Variants in SFXN5 observed in about 807,000 individuals in gnomAD.
SFXN5 encodes sideroflexin-5.
Under a neutral mutation model 50.2 loss-of-function variants are expected in SFXN5, and 43 were observed. That is an observed-to-expected ratio of 0.86 (90% CI 0.67 to 1.11). The LOEUF is 1.11. Ranked by LOEUF, SFXN5 falls within the 50% of genes least tolerant of loss-of-function variation. The probability of loss-of-function intolerance (pLI) is 0.00; values close to 1 mark genes in which losing one functional copy is unlikely to be tolerated. For missense variants in SFXN5, 463 were observed against 454.1 expected, an observed-to-expected ratio of 1.02 and a Z score of -0.18; for synonymous variants, 203 against 185.8, an observed-to-expected ratio of 1.09 and a Z score of -0.75.
At chr2:72,990,321 A>G (rs1010235243) in intron 9 of SFXN5, among the ~76,000 whole-genome samples, 1 of 152,182 alleles carries the variant, frequency 6.6e-6, no homozygotes, top group African/African-American at 2.4e-5. Context: ...GCGTGGACAC[A>G]CTTCAGTGGT....
intron 9 of SFXN5, among the ~76,000 whole-genome samples, chr2:72,993,746 C>T (rs1179638555): frequency 2.0e-5 from 3 of 152,172 alleles, no homozygotes; most frequent in South Asian, 4.1e-4. Context: ...CAGGTGCTGT[C>T]GTCCCCCTAC....
rs1672758543 is a variant in SFXN5 at position 72,953,500 on chromosome 2, A to T, written c.945+7631T>A. Among the ~76,000 whole-genome samples the T allele has an allele frequency of 1.3e-5, 2 of 152,182 alleles. No individual in the cohort carries two copies. The highest frequency in any genetic ancestry group is 1.3e-4 in the Admixed American group (2 of 15,288). Reference sequence around the variant, plus strand: ...TCAACCCTGGAAGAGTGGGAGAAGCAGGGACCAACAAAGTCAAGGTGAACC... The same window carrying T: ...TCAACCCTGGAAGAGTGGGAGAAGCTGGGACCAACAAAGTCAAGGTGAACC... On this transcript the variant is annotated intron_variant, in intron 13 of 13. Coordinates refer to ENST00000272433, the MANE Select transcript of SFXN5 (RefSeq NM_144579.3). This position sits in a 1 kb window ranked among gnomAD's most constrained non-coding sequence, Gnocchi z 4.1.
chr2:73,040,596 G>A lies in SFXN5; in HGVS notation c.249+258C>T, dbSNP rs111737507. ...GAAGAGATGCCCACAATCAGCTCTC[G>A]CAAGCCAGTGCGGGCCAGCTTCAGC... On this transcript the variant is annotated intron_variant, in intron 3 of 13. Transcript: ENST00000272433. Among the ~76,000 whole-genome samples, 284 of 152,290 alleles carry A rather than the reference G, an allele frequency of 1.9e-3. 2 individuals carry two copies. Among genetic ancestry groups the A allele is most frequent in the African/African-American group, 5.3e-3 (219 of 41,560 alleles).
At chr2:72,947,678 G>A (rs894244615) in intron 13 of SFXN5, among the ~76,000 whole-genome samples, 3 of 152,146 alleles carry the variant, frequency 2.0e-5, no homozygotes, top group Non-Finnish European at 1.5e-5. Flanking sequence ...TGGGCACAGT[G>A]GGAGAAGAGA....
At chr2:73,059,511 C>T in intron 1 of SFXN5, 7 of 985,390 alleles carry the variant, frequency 7.1e-6, no homozygotes, top group Non-Finnish European at 8.4e-6. Context: ...GACCCTGCAG[C>T]CAATTCCTGT....
At position 72,973,391 on chromosome 2, in the gene SFXN5, T is replaced by C. The variant is rs986985525; in HGVS notation, c.626-1706A>G. 4.9e-4 allele frequency: 83 copies of C among 169,140 alleles called. 1 individual carries two copies. Among genetic ancestry groups the C allele is most frequent in the Non-Finnish European group, 4.4e-5 (3 of 68,254 alleles). The allele number at this position is 169,140 out of a possible 1,614,324, so 10.5% of individuals were successfully genotyped here. A position where few individuals can be genotyped will look rare whatever the true frequency, so the allele number is the denominator to read the frequency against. On this transcript the variant is annotated intron_variant, in intron 10 of 13. Coordinates refer to ENST00000272433, the MANE Select transcript of SFXN5 (RefSeq NM_144579.3). The surrounding 1 kb of genome is among the most constrained non-coding windows in gnomAD (Gnocchi z 5.5). ...TGGCCATGTTTGAGGGCATTTTCAG[T>C]GATTGTGATCTAGGGGTCAGGGGTT...
intron 13 of SFXN5, among the ~76,000 whole-genome samples, chr2:72,949,719 A>C (rs1417591481): frequency 1.3e-5 from 2 of 152,122 alleles, no homozygotes; most frequent in African/African-American, 4.8e-5. Flanking sequence ...GAATCAGAGA[A>C]GTGCCAGGTC....
At position 73,000,467 on chromosome 2, in the gene SFXN5, A is replaced by G. The variant is rs906505474; in HGVS notation, c.432T>C (p.Asn144=). ...VFWQWLNQSH[N]ACVNYANRNA... is the part of the protein sequence containing the mutation. ...TGCGGTTTGCATAGTTGACACAGGCATTGTGGCTCTGGTTCAGCCACTGAA... is the reference window on the plus strand; with the variant it reads ...TGCGGTTTGCATAGTTGACACAGGCGTTGTGGCTCTGGTTCAGCCACTGAA... Residue 144 remains asparagine (N), a synonymous_variant, in exon 8 of 14, where the codon AAT becomes AAC. Coordinates refer to ENST00000272433, the MANE Select transcript of SFXN5 (RefSeq NM_144579.3). The G allele has an allele frequency of 1.9e-6, 3 of 1,560,426 alleles. No individual in the cohort carries two copies. In the African/African-American group the frequency reaches 4.1e-5, roughly 21 times the overall value.
intron 1 of SFXN5, among the ~76,000 whole-genome samples, chr2:73,070,083 GAGA>G (rs1013288796): frequency 2.6e-5 from 4 of 152,212 alleles, no homozygotes; most frequent in Non-Finnish European, 4.4e-5. Flanking sequence ...GATGGGACCA[GAGA>G]AGAAGGGAGC....
chr2:73,065,862 A>G (rs1683136496), intron 1 of SFXN5, among the ~76,000 whole-genome samples: 1 of 152,192 alleles, frequency 6.6e-6, no homozygotes, highest in African/African-American at 2.4e-5. Context: ...GTCCTGGACA[A>G]CAATTTATTT....
At chr2:73,060,039 G>A (rs1026591975) in intron 1 of SFXN5, among the ~76,000 whole-genome samples, 3 of 152,130 alleles carry the variant, frequency 2.0e-5, no homozygotes, top group Middle Eastern at 3.2e-3. Flanking sequence ...ATGCATATAA[G>A]CAGTGTGATT....
At chr2:72,979,553 G>C (rs1324144662) in intron 10 of SFXN5, among the ~76,000 whole-genome samples, 2 of 152,162 alleles carry the variant, frequency 1.3e-5, no homozygotes, top group Non-Finnish European at 2.9e-5. Flanking sequence ...AGAATTGCTT[G>C]AACCCAGGAG....
chr2:72,947,999 G>A (rs1559074680), intron 13 of SFXN5, among the ~76,000 whole-genome samples: 1 of 152,222 alleles, frequency 6.6e-6, no homozygotes, highest in Non-Finnish European at 1.5e-5. Flanking sequence ...AATATTCAAT[G>A]TTTTTAAAAA....
intron 10 of SFXN5, among the ~76,000 whole-genome samples, chr2:72,982,699 C>T (rs1671461113): frequency 1.3e-5 from 2 of 152,154 alleles, no homozygotes; most frequent in Admixed American, 6.5e-5. Flanking sequence ...CGAGGGCTTC[C>T]AAGAGGAGAT....
chr2:73,020,509 C>T (rs1676735798), intron 5 of SFXN5, among the ~76,000 whole-genome samples: 1 of 152,160 alleles, frequency 6.6e-6, no homozygotes, highest in Non-Finnish European at 1.5e-5. Flanking sequence ...CCCTGGAACC[C>T]AGAGGCCTGT....
intron 6 of SFXN5, among the ~76,000 whole-genome samples, chr2:73,016,986 C>T (rs1676246973): frequency 6.6e-6 from 1 of 152,054 alleles, no homozygotes; most frequent in African/African-American, 2.4e-5. Flanking sequence ...GCTGCACTGC[C>T]CAGCATGGTG....
intron 3 of SFXN5, among the ~76,000 whole-genome samples, chr2:73,025,534 T>G (rs757471412): frequency 1.1e-4 from 17 of 152,176 alleles, no homozygotes; most frequent in South Asian, 8.3e-4. Context: ...TCATCTCCTT[T>G]TCTTCCCAAA....
At chr2:72,968,644 C>T (rs1239921072) in intron 11 of SFXN5, 111 bp from the exon 12 acceptor site, 6 of 943,414 alleles carry the variant, frequency 6.4e-6, no homozygotes, top group East Asian at 2.8e-5. Context: ...GTCTGAATGG[C>T]CTTATTCATG....
In SFXN5 at chr2:73,053,722, T is replaced by C. The variant is rs552532861; in HGVS notation, c.171+4806A>G. ...TGTCCCTCAGAACCAGGTCACCAGA[T>C]GGCTCAAGCTGCCTAGGATCTTTCT... is the stretch of plus-strand genomic sequence containing the variant. On this transcript the variant is annotated intron_variant, in intron 2 of 13. Transcript: ENST00000272433. 3.9e-5 allele frequency among the ~76,000 whole-genome samples: 6 copies of C among 152,332 alleles called. No homozygotes were observed. In the South Asian group the frequency reaches 1.2e-3, roughly 32 times the overall value.
Sources: gnomAD v4.1 joint callset for allele counts (sites outside exome capture counted in the v4.1 genomes callset) on GRCh38, gnomAD v4.1.1 for gene constraint, Gnocchi (gnomAD v3.1) non-coding constraint, MANE v1.5 for transcripts, NCBI Gene and HGNC (gene_info 2026-07-23, HGNC 2026-07-21) for gene names.